Variants in MDN1 observed in about 807,000 individuals in gnomAD.
The protein encoded by MDN1 is midasin.
In MDN1, 266 loss-of-function variants were observed where a neutral mutation model predicts 669.2. The observed-to-expected ratio is 0.40, with a 90% CI of 0.36 to 0.44. The LOEUF (loss-of-function observed/expected upper bound fraction) is 0.44. Ranked by LOEUF, MDN1 falls within the 20% of genes least tolerant of loss-of-function variation. The probability of loss-of-function intolerance (pLI) is 1.00; values close to 1 mark genes in which losing one functional copy is unlikely to be tolerated. For synonymous variants in MDN1, 2,385 were observed against 2,457.1 expected, an observed-to-expected ratio of 0.97 and a Z score of 0.87; for missense variants, 5,940 against 6,754.0, an observed-to-expected ratio of 0.88 and a Z score of 4.22.
At chr6:89,670,160 ATATATATATATTTTTTTTT>A (rs1562061928) in intron 83 of MDN1, among the ~76,000 whole-genome samples, 1 of 43,054 alleles carries the variant, frequency 2.3e-5, no homozygotes, top group Non-Finnish European at 3.5e-5. Context: ...ATATATATAT[ATATATATATATTTTTTTTT>A]TTTTTTTTTT....
At chr6:89,809,376 A>C (rs999671718) in intron 1 of MDN1, among the ~76,000 whole-genome samples, 14 of 152,008 alleles carry the variant, frequency 9.2e-5, no homozygotes, top group African/African-American at 3.4e-4. Context: ...CACACCTGTA[A>C]TCTCAGCACT....
intron 83 of MDN1, among the ~76,000 whole-genome samples, chr6:89,669,090 T>G (rs970277437): frequency 3.3e-5 from 5 of 152,228 alleles, no homozygotes; most frequent in Non-Finnish European, 5.9e-5. Flanking sequence ...TCATTGCAGC[T>G]GCTACGTCTG....
At chr6:89,750,302 T>C in intron 24 of MDN1, 52 bp downstream of exon 24, 2 of 1,498,064 alleles carry the variant, frequency 1.3e-6, no homozygotes, top group Middle Eastern at 1.9e-4. Context: ...CTTAAGGAAA[T>C]GTGTGTGAAA....
Position 89,790,230 on chromosome 6 carries a change from C to G in MDN1, c.1027G>C (p.Ala343Pro). The G allele has an allele frequency of 6.2e-7, 1 of 1,614,160 alleles. No homozygotes were observed. The highest frequency in any genetic ancestry group is 8.5e-7 in the Non-Finnish European group (1 of 1,180,020). ...CGKTSLVEYL[A>P]AVTGRTKPPQ... ...GGCTTTGTTCTACCTGTCACTGCAG[C>G]TAAATATTCAACTAAGGAAGTTTTG... Residue 343 changes from alanine (A) to proline (P), a missense_variant, in exon 6 of 102, where the codon GCT (alanine) becomes CCT (proline). By Grantham distance (27) the Ala-to-Pro change is conservative. Coordinates refer to ENST00000369393, the MANE Select transcript of MDN1 (RefSeq NM_014611.3).
At chr6:89,788,579 TA>T (rs1819089602) in intron 7 of MDN1, among the ~76,000 whole-genome samples, 1 of 152,124 alleles carries the variant, frequency 6.6e-6, no homozygotes, top group African/African-American at 2.4e-5. Context: ...GGCTTAGAGG[TA>T]AGTAATAAAA....
chr6:89,769,114 T>C (rs781216150), intron 15 of MDN1, among the ~76,000 whole-genome samples: 1 of 151,644 alleles, frequency 6.6e-6, no homozygotes, highest in Non-Finnish European at 1.5e-5. Context: ...ACTGGACACA[T>C]GCAAAATATA....
chr6:89,792,917 G>A (rs1819357323), intron 5 of MDN1, among the ~76,000 whole-genome samples: 1 of 152,126 alleles, frequency 6.6e-6, no homozygotes, highest in Non-Finnish European at 1.5e-5. Flanking sequence ...TACTCAGGAG[G>A]CTGAGGCAGA....
rs1214900975 is a variant in MDN1 at position 89,700,678 on chromosome 6, A to C, written c.8606T>G (p.Leu2869Arg). The C allele has an allele frequency of 4.3e-6, 7 of 1,614,106 alleles. No homozygotes were observed. In the Admixed American group the frequency reaches 6.7e-5, roughly 15 times the overall value. ...KSLLQAWGLILRANILEDVSL... is the reference protein window; with the variant it reads ...KSLLQAWGLIRRANILEDVSL... The stretch of plus-strand genomic sequence containing the variant: ...GACATCTTCCAAAATATTTGCTCTG[A>C]GGATCAGTCCCCAGGCTTGCAGGAG... The change falls in exon 56 of 102, where the codon CTC becomes CGC. Residue 2869 changes from leucine (L) to arginine (R), a missense_variant. Physicochemically the swap from Leu to Arg is moderately radical, Grantham distance 102. Transcript: ENST00000369393.
intron 1 of MDN1, 92 bp from the exon 2 acceptor site, chr6:89,803,646 A>G: frequency 1.1e-6 from 1 of 922,888 alleles, no homozygotes; most frequent in South Asian, 1.6e-5. Context: ...CAGTGGTGCA[A>G]TCTCAGCTCA....
In MDN1 at chr6:89,754,202, C is replaced by A. The variant is rs552710311; in HGVS notation, c.2845G>T (p.Gly949Trp). ...CCAGTGCCATCCACCAGTTTGGTCC[C>A]AGACTCTTTCCGCAAAGCTGTGTAG... Reference protein sequence around the residue: ...NFYTALRKESGTKLVDGTGHR... With the variant: ...NFYTALRKESWTKLVDGTGHR... Residue 949 changes from glycine to tryptophan, a missense_variant, in exon 21 of 102, where the codon GGG (glycine) becomes TGG (tryptophan). Gly to Trp is a radical substitution (Grantham distance 184). Transcript: ENST00000369393. 1 of 1,613,964 alleles carries A rather than the reference C, an allele frequency of 6.2e-7. No individual in the cohort carries two copies. The highest frequency in any genetic ancestry group is 1.7e-5 in the Admixed American group (1 of 60,010).
intron 8 of MDN1, among the ~76,000 whole-genome samples, chr6:89,786,723 C>G (rs1252992619): frequency 6.6e-6 from 1 of 151,932 alleles, no homozygotes; most frequent in Non-Finnish European, 1.5e-5. Context: ...GTCAGGAGAT[C>G]AAGACCAGCC....
chr6:89,690,138 A>G lies in MDN1; in HGVS notation c.10755T>C (p.Phe3585=), dbSNP rs1221010350. Residue 3585 remains phenylalanine (F), a synonymous_variant, in exon 65 of 102, where the codon TTT becomes TTC. Coordinates refer to ENST00000369393, the MANE Select transcript of MDN1 (RefSeq NM_014611.3). The part of the protein sequence containing the change: ...RKQFPLHEKD[F]ADILVQPTLE... ...ACGTTGGCTGCACCAAAATATCTGCAAAGTCCTATAAATAGCATTAGAGCA... is the reference window on the plus strand; with the variant it reads ...ACGTTGGCTGCACCAAAATATCTGCGAAGTCCTATAAATAGCATTAGAGCA... 9.3e-6 allele frequency: 15 copies of G among 1,613,908 alleles called. No individual in the cohort carries two copies. Among genetic ancestry groups the G allele is most frequent in the Non-Finnish European group, 1.0e-5 (12 of 1,179,922 alleles).
Position 89,695,581 on chromosome 6 carries a change from G to A in MDN1, c.9771+24C>T. 1.3e-6 allele frequency: 2 copies of A among 1,560,958 alleles called. No individual in the cohort carries two copies. The highest frequency in any genetic ancestry group is 2.4e-5 in the South Asian group (2 of 83,254). On this transcript the variant is annotated intron_variant, in intron 61 of 101. Coordinates refer to ENST00000369393, the MANE Select transcript of MDN1 (RefSeq NM_014611.3). This position sits in a 1 kb window ranked among gnomAD's most constrained non-coding sequence, Gnocchi z 4.1. The stretch of plus-strand genomic sequence containing the variant: ...CCAGCACGTCAGGGAAGGAGCCCAT[G>A]CTCCATACTCTTGCCTCCCATACCT...
intron 82 of MDN1, 95 bp from the exon 83 acceptor site, chr6:89,671,175 T>C (rs1810727182): frequency 4.4e-6 from 6 of 1,356,976 alleles, no homozygotes; most frequent in Non-Finnish European, 6.0e-6. Context: ...TTGCACAACA[T>C]TGTGAATGTA....
At chr6:89,662,742 C>G in intron 86 of MDN1, 50 bp downstream of exon 86, 2 of 1,585,912 alleles carry the variant, frequency 1.3e-6, no homozygotes, top group Non-Finnish European at 1.7e-6. Context: ...AGGTTGTGGG[C>G]AGATTACCTC....
At chr6:89,761,343 A>G (rs2128320746) in intron 17 of MDN1, among the ~76,000 whole-genome samples, 1 of 152,364 alleles carries the variant, frequency 6.6e-6, no homozygotes, top group Admixed American at 6.5e-5. Context: ...ACGGTATTTG[A>G]GATGATGAAT....
At chr6:89,648,596 G>GGTA (rs1407609612) in intron 97 of MDN1, among the ~76,000 whole-genome samples, 3 of 151,878 alleles carry the variant, frequency 2.0e-5, no homozygotes, top group Non-Finnish European at 4.4e-5. Flanking sequence ...GGCCAGGCGT[G>GGTA]GTAGCTCACA....
intron 53 of MDN1, among the ~76,000 whole-genome samples, chr6:89,704,013 CAAAA>C (rs60168431): frequency 4.8e-5 from 5 of 103,986 alleles, no homozygotes; most frequent in East Asian, 3.0e-4. Flanking sequence ...AACTCCGTCT[CAAAA>C]AAAAAAAAAA....
rs370817036 is a variant in MDN1 at position 89,687,031 on chromosome 6, G to A, written c.11451-8C>T. 62 of 1,611,018 alleles carry A rather than the reference G, an allele frequency of 3.8e-5. No homozygotes were observed. The highest frequency in any genetic ancestry group is 6.7e-5 in the African/African-American group (5 of 74,716). Reference sequence around the variant, plus strand: ...AAACTCATGGACCAGCAGCTGAAACGAGAAGAAGCCAAGGAGGCATTTAGG... The same window carrying A: ...AAACTCATGGACCAGCAGCTGAAACAAGAAGAAGCCAAGGAGGCATTTAGG... On this transcript the variant is annotated splice_polypyrimidine_tract_variant and splice_region_variant and intron_variant, in intron 68 of 101. Coordinates refer to ENST00000369393, the MANE Select transcript of MDN1 (RefSeq NM_014611.3).
Sources: allele counts gnomAD v4.1 joint callset (sites outside exome capture counted in the v4.1 genomes callset), GRCh38; gene constraint gnomAD v4.1.1; non-coding constraint Gnocchi (gnomAD v3.1); transcripts MANE v1.5; gene names NCBI Gene and HGNC (gene_info 2026-07-23, HGNC 2026-07-21).